The following FRMD4A variants were observed in gnomAD, a reference collection of about 807,000 sequenced individuals.
FRMD4A encodes the protein FERM domain containing 4A, also known as FERM domain-containing protein 4A.
A neutral mutation model predicts 129.1 loss-of-function variants in FRMD4A; 29 were observed. That is an observed-to-expected ratio of 0.22 (90% confidence interval 0.17 to 0.31). FRMD4A has a LOEUF of 0.31. Among genes scored for constraint, FRMD4A ranks in the 10% least tolerant of loss-of-function variants. The probability of loss-of-function intolerance (pLI) is 1.00; values close to 1 mark genes in which losing one functional copy is unlikely to be tolerated. For missense variants in FRMD4A, 1,272 were observed against 1,375.8 expected (o/e 0.92, Z 1.19); for synonymous variants, 634 against 571.6 (o/e 1.11, Z -1.56).
chr10:13,813,838 A>G (rs7097914), intron 3 of FRMD4A, among the ~76,000 whole-genome samples: 57,559 of 152,152 alleles, frequency 0.38, 11,025 homozygotes, highest in Middle Eastern at 0.46. Flanking sequence ...TACTAAAAGT[A>G]CATTGCTTTT....
rs556172866 is a variant in FRMD4A at position 13,958,260 on chromosome 10, T to A, written c.46-99348A>T. Among the ~76,000 whole-genome samples the A allele has an allele frequency of 8.0e-5, 12 of 150,166 alleles. No individual in the cohort carries two copies. The South Asian group carries it at 2.3e-3, about 29-fold the overall frequency. ...GTGATTGGAATGTAAAACAGTCGCG[T>A]GAACAACAGCCATGACCATTGTTTT... On this transcript the variant is annotated intron_variant, in intron 2 of 24. Transcript: ENST00000357447.
chr10:13,666,241 T>C lies in FRMD4A; in HGVS notation c.1459A>G (p.Asn487Asp), dbSNP rs767399680. The C allele has an allele frequency of 1.2e-6, 2 of 1,614,008 alleles. No individual in the cohort carries two copies. Among genetic ancestry groups the C allele is most frequent in the Non-Finnish European group, 1.7e-6 (2 of 1,179,972 alleles). Residue 487 changes from asparagine (N) to aspartate (D), a missense_variant, in exon 18 of 25, where the codon AAC (asparagine) becomes GAC (aspartate). By Grantham distance (23) the Asn-to-Asp change is conservative (BLOSUM62 1). This residue lies in a region of FRMD4A where 972 missense variants were observed against 892.3 expected (regional missense o/e 1.09). Transcript: ENST00000357447. ...TGTTTCTTCAGTTTTTTGCTGACGT[T>C]GGGGTCACTGGCTAGGCGGCGGGCG... ...EAARRLASDP[N>D]VSKKLKKQRK...
chr10:13,703,754 C>T (rs937852436), intron 13 of FRMD4A, among the ~76,000 whole-genome samples: 1 of 152,190 alleles, frequency 6.6e-6, no homozygotes, highest in African/African-American at 2.4e-5. Flanking sequence ...ATGATACCAA[C>T]ATAAAAATAG....
chr10:13,650,176 G>C (rs1443545629), intron 24 of FRMD4A, among the ~76,000 whole-genome samples: 2 of 152,190 alleles, frequency 1.3e-5, no homozygotes, highest in African/African-American at 4.8e-5. Context: ...GGCATAGGGA[G>C]GTGGGGCTGC....
intron 2 of FRMD4A, among the ~76,000 whole-genome samples, chr10:13,979,887 T>C (rs992924957): frequency 6.6e-6 from 1 of 152,236 alleles, no homozygotes; most frequent in African/African-American, 2.4e-5. Context: ...AAATCCACCC[T>C]GGTGCAGCTG....
At chr10:13,740,720 G>T in intron 9 of FRMD4A, 143 bp from the exon 10 acceptor site, 1 of 564,614 alleles carries the variant, frequency 1.8e-6, no homozygotes, top group Non-Finnish European at 3.1e-6. Context: ...GTCCTGGAGT[G>T]GTATTTCCAA....
intron 2 of FRMD4A, among the ~76,000 whole-genome samples, chr10:14,156,483 A>G (rs1433419374): frequency 6.6e-6 from 1 of 152,196 alleles, no homozygotes; most frequent in East Asian, 1.9e-4. Context: ...TATTACAAAC[A>G]TATTTGTAAT....
At chr10:13,992,681 T>C (rs1164362087) in intron 2 of FRMD4A, among the ~76,000 whole-genome samples, 1 of 152,134 alleles carries the variant, frequency 6.6e-6, no homozygotes, top group Non-Finnish European at 1.5e-5. Flanking sequence ...AGGCCAGGCA[T>C]GGTGGCTCGC....
intron 2 of FRMD4A, chr10:13,972,092 C>G: frequency 1.8e-6 from 2 of 1,120,328 alleles, no homozygotes; most frequent in Non-Finnish European, 2.2e-6. Flanking sequence ...AAAAATAAAC[C>G]TCAGTGTGCA....
chr10:14,116,223 C>A (rs896903540), intron 2 of FRMD4A, among the ~76,000 whole-genome samples: 6 of 152,090 alleles, frequency 3.9e-5, no homozygotes, highest in African/African-American at 1.4e-4. Flanking sequence ...AAACCAGACC[C>A]GAAAGAAACA....
chr10:14,214,850 T>TA (rs1843027727), intron 2 of FRMD4A, among the ~76,000 whole-genome samples: 2 of 152,216 alleles, frequency 1.3e-5, no homozygotes. Context: ...TGCCTACATA[T>TA]AAACAAAGAA....
At chr10:13,817,587 A>G (rs928782944) in intron 3 of FRMD4A, among the ~76,000 whole-genome samples, 1 of 152,146 alleles carries the variant, frequency 6.6e-6, no homozygotes, top group African/African-American at 2.4e-5. Flanking sequence ...TCCCCCATCT[A>G]TTCTGATGGT....
intron 2 of FRMD4A, among the ~76,000 whole-genome samples, chr10:13,985,399 G>A (rs1337904506): frequency 6.6e-6 from 1 of 152,154 alleles, no homozygotes; most frequent in African/African-American, 2.4e-5. Flanking sequence ...ACTGGCCTTG[G>A]GTGGTTTGAG....
intron 2 of FRMD4A, among the ~76,000 whole-genome samples, chr10:14,215,934 T>C (rs1393690086): frequency 1.3e-5 from 2 of 152,156 alleles, no homozygotes; most frequent in African/African-American, 2.4e-5. Context: ...CCTGCTCAGG[T>C]TCTTTGATTT....
At chr10:13,865,404 A>ATTTGT (rs1554946436) in intron 2 of FRMD4A, among the ~76,000 whole-genome samples, 3 of 70,052 alleles carry the variant, frequency 4.3e-5, no homozygotes, top group Admixed American at 1.5e-4. Flanking sequence ...TATTTATTTT[A>ATTTGT]TTTGTTTTAT....
At chr10:13,699,209 C>T (rs1357705875) in intron 14 of FRMD4A, among the ~76,000 whole-genome samples, 6 of 142,608 alleles carry the variant, frequency 4.2e-5, no homozygotes, top group African/African-American at 5.2e-5. Flanking sequence ...ATGCCTGCCA[C>T]GATGCTTGGT....
At position 13,851,806 on chromosome 10, in the gene FRMD4A, AG is replaced by A. The variant is rs1404926162; in HGVS notation, c.111+7040del. 2.6e-5 allele frequency among the ~76,000 whole-genome samples: 4 copies of A among 151,858 alleles called. No individual in the cohort carries two copies. In the South Asian group the frequency reaches 8.3e-4, roughly 32 times the overall value. On this transcript the variant is annotated intron_variant, in intron 3 of 24. Coordinates refer to ENST00000357447, the MANE Select transcript of FRMD4A (RefSeq NM_018027.5). ...TCCCAGCCACTCAGGAGGCTGAGGCAGGAGAATCGCTTGAACTCAGGAGGCG... is the reference window on the plus strand; with the variant it reads ...TCCCAGCCACTCAGGAGGCTGAGGCAGAGAATCGCTTGAACTCAGGAGGCG...
chr10:14,300,803 T>A (rs2132089317), intron 2 of FRMD4A, among the ~76,000 whole-genome samples: 1 of 152,272 alleles, frequency 6.6e-6, no homozygotes, highest in East Asian at 1.9e-4. Flanking sequence ...AGGGGAGGTG[T>A]TATGCACTGA....
At chr10:14,322,217 G>C (rs1200075111) in intron 2 of FRMD4A, among the ~76,000 whole-genome samples, 1 of 152,166 alleles carries the variant, frequency 6.6e-6, no homozygotes, top group East Asian at 1.9e-4. Context: ...GGAGGGGCCA[G>C]ATTCAAGAGA....
Sources: gnomAD v4.1 joint callset for allele counts (sites outside exome capture counted in the v4.1 genomes callset) on GRCh38, gnomAD v4.1.1 for gene constraint, gnomAD v4.1.1 regional missense constraint, MANE v1.5 for transcripts, NCBI Gene and HGNC (gene_info 2026-07-23, HGNC 2026-07-21) for gene names.